PCDHGA7: variants seen among roughly 807,000 people sequenced by gnomAD.
PCDHGA7 encodes the protein protocadherin gamma subfamily A, 7.
Under a neutral mutation model 58.3 loss-of-function variants are expected in PCDHGA7, and 44 were observed. The ratio of observed to expected loss-of-function variants is 0.75; its 90% CI spans 0.59 to 0.97. PCDHGA7 has a LOEUF of 0.97. Ranked by LOEUF, PCDHGA7 falls within the 50% of genes least tolerant of loss-of-function variation. The pLI is 0.00. For missense variants in PCDHGA7, 1,266 were observed against 1,188.7 expected (o/e 1.06, Z -0.96); for synonymous variants, 516 against 504.2 (o/e 1.02, Z -0.31).
chr5:141,498,848 G>A (rs930895553), intron 2 of PCDHGA7, among the ~76,000 whole-genome samples: 3 of 151,908 alleles, frequency 2.0e-5, no homozygotes, highest in Non-Finnish European at 4.4e-5. Context: ...CAGGGGAATC[G>A]CTTGAACCCA....
intron 1 of PCDHGA7, among the ~76,000 whole-genome samples, chr5:141,473,069 A>G (rs552033483): frequency 3.9e-4 from 59 of 152,180 alleles, no homozygotes; most frequent in South Asian, 8.3e-4. Flanking sequence ...AAGTTACAGC[A>G]TCTTTGTTTA....
At chr5:141,395,358 G>C in intron 1 of PCDHGA7, 1 of 1,346,158 alleles carries the variant, frequency 7.4e-7, no homozygotes, top group Non-Finnish European at 9.9e-7. Flanking sequence ...ACAGAGTTTT[G>C]GGTTTATTTT....
In PCDHGA7 at chr5:141,486,049, C is replaced by T. The variant is rs766853468; in HGVS notation, c.2425-8758C>T. 1 of 1,614,206 alleles carries T rather than the reference C, an allele frequency of 6.2e-7. No homozygotes were observed. The highest frequency in any genetic ancestry group is 8.5e-7 in the Non-Finnish European group (1 of 1,180,034). ...ATACCCCTGATCGTGTAAGAAACCT[C>T]TTTAGCCTGCACCCCACTACTGGAA... On this transcript the variant is annotated intron_variant, in intron 1 of 3. Transcript: ENST00000518325. The surrounding 1 kb of genome is among the most constrained non-coding windows in gnomAD (Gnocchi z 5.0).
At position 141,399,354 on chromosome 5, in the gene PCDHGA7, G is replaced by A. The variant is rs559321354; in HGVS notation, c.2424+14031G>A. The A allele has an allele frequency of 3.7e-6, 6 of 1,614,008 alleles. No homozygotes were observed. The Admixed American group carries it at 1.0e-4, about 27-fold the overall frequency. On this transcript the variant is annotated intron_variant, in intron 1 of 3. Coordinates refer to ENST00000518325, the MANE Select transcript of PCDHGA7 (RefSeq NM_018920.4). ...TAACAGATGGAACCCTAGACCGAGA[G>A]CAAACCCCGGAGTACAATGTCACCA...
intron 1 of PCDHGA7, among the ~76,000 whole-genome samples, chr5:141,450,782 C>T (rs1012152203): frequency 2.0e-5 from 3 of 151,350 alleles, no homozygotes; most frequent in East Asian, 1.9e-4. Flanking sequence ...CCACCGTGCC[C>T]GGACCTCATG....
At chr5:141,392,770 T>G in intron 1 of PCDHGA7, 1 of 1,511,750 alleles carries the variant, frequency 6.6e-7, no homozygotes, top group South Asian at 1.3e-5. Flanking sequence ...AAGACCCATT[T>G]ATGCACAGTG....
chr5:141,483,637 G>C (rs1365525499), intron 1 of PCDHGA7, among the ~76,000 whole-genome samples: 2 of 145,762 alleles, frequency 1.4e-5, no homozygotes. Context: ...AAGGTATAGA[G>C]GGGTGTGTGT....
rs2099695710 is a variant in PCDHGA7, at chr5:141,490,068, A to G, written c.2425-4739A>G. On this transcript the variant is annotated intron_variant, in intron 1 of 3. Coordinates refer to ENST00000518325, the MANE Select transcript of PCDHGA7 (RefSeq NM_018920.4). This position sits in a 1 kb window ranked among gnomAD's most constrained non-coding sequence, Gnocchi z 5.4. ...ATCCAGACGAGGGCACCAACGGCCA[A>G]CTAGACTATTCTTTTGGAGACCACA... is the stretch of plus-strand genomic sequence containing the variant. 2 of 1,614,152 alleles carry G rather than the reference A, an allele frequency of 1.2e-6. No homozygotes were observed. The highest frequency in any genetic ancestry group is 1.6e-4 in the Middle Eastern group (1 of 6,084).
chr5:141,424,434 T>C (rs2096821185), intron 1 of PCDHGA7: 1 of 151,048 alleles, frequency 6.6e-6, no homozygotes, highest in Admixed American at 6.6e-5. Flanking sequence ...GAGGAAATAA[T>C]TGAATTATTG....
At chr5:141,408,896 G>A (rs1441378199) in intron 1 of PCDHGA7, 5 of 1,613,328 alleles carry the variant, frequency 3.1e-6, no homozygotes, top group East Asian at 2.2e-5. Flanking sequence ...AGAAATTTCT[G>A]TCAAGGATAC....
intron 1 of PCDHGA7, chr5:141,426,432 C>A (rs1239073805): frequency 1.0e-5 from 3 of 295,812 alleles, no homozygotes; most frequent in South Asian, 3.3e-5. Flanking sequence ...TGGTGGGGAA[C>A]CTTGCGGAGG....
chr5:141,478,901 A>T (rs2099483520), intron 1 of PCDHGA7: 2 of 1,002,034 alleles, frequency 2.0e-6, no homozygotes, highest in African/African-American at 3.3e-5. Flanking sequence ...ATTAGGAATA[A>T]GCTGCTGGAT....
At chr5:141,471,422 A>T (rs919676109) in intron 1 of PCDHGA7, 5 of 152,176 alleles carry the variant, frequency 3.3e-5, no homozygotes, top group Non-Finnish European at 5.9e-5. Context: ...GTTTTTAGCA[A>T]GGAAAGTGTA....
intron 1 of PCDHGA7, chr5:141,415,450 C>T (rs774745130): frequency 1.9e-6 from 3 of 1,614,202 alleles, no homozygotes; most frequent in Non-Finnish European, 2.5e-6. Flanking sequence ...GACCTATTCC[C>T]ACGAGGTCTC....
Position 141,408,446 on chromosome 5 carries a change from G to A in PCDHGA7, c.2424+23123G>A, listed in dbSNP as rs371079756. 1.7e-5 allele frequency: 28 copies of A among 1,613,946 alleles called. No individual in the cohort carries two copies. Among genetic ancestry groups the A allele is most frequent in the Non-Finnish European group, 1.1e-5 (13 of 1,179,916 alleles). On this transcript the variant is annotated intron_variant, in intron 1 of 3. Transcript: ENST00000518325. ...GCACTTCAGCGTAGACGCGGAGAGC[G>A]GGGACTTACTTGTGAAGAACCGAAT...
At position 141,487,385 on chromosome 5, in the gene PCDHGA7, CGAA is replaced by C; in HGVS notation, c.2425-7420_2425-7418del. 6.2e-7 allele frequency: 1 copy of C among 1,614,160 alleles called. No individual in the cohort carries two copies. The highest frequency in any genetic ancestry group is 8.5e-7 in the Non-Finnish European group (1 of 1,180,046). On this transcript the variant is annotated intron_variant, in intron 1 of 3. Coordinates refer to ENST00000518325, the MANE Select transcript of PCDHGA7 (RefSeq NM_018920.4). The surrounding 1 kb of genome is among the most constrained non-coding windows in gnomAD (Gnocchi z 5.0). ...CACCTGTGCCTGTCTCACCAGATCTCGAAGGAGGGAGGGGCTTCCCCCTTCCAA... is the reference window on the plus strand; with the variant it reads ...CACCTGTGCCTGTCTCACCAGATCTCGGAGGGAGGGGCTTCCCCCTTCCAA...
At chr5:141,415,562 CT>C in intron 1 of PCDHGA7, 3 of 1,613,960 alleles carry the variant, frequency 1.9e-6, no homozygotes, top group Non-Finnish European at 1.7e-6. Context: ...GATCCTTTGT[CT>C]TTGTTAGATG....
At chr5:141,438,591 C>CATATATATAT (rs946798767) in intron 1 of PCDHGA7, among the ~76,000 whole-genome samples, 17 of 75,552 alleles carry the variant, frequency 2.3e-4, no homozygotes, top group Non-Finnish European at 3.8e-4. Context: ...TACATACATA[C>CATATATATAT]ATATATATAT....
chr5:141,433,357 G>GCCTA, intron 1 of PCDHGA7: 1 of 569,056 alleles, frequency 1.8e-6, no homozygotes, highest in Non-Finnish European at 3.1e-6. Context: ...CCTACTGTCT[G>GCCTA]CCTATCTATC....
Sources: gnomAD v4.1 joint callset for allele counts (sites outside exome capture counted in the v4.1 genomes callset) on GRCh38, gnomAD v4.1.1 for gene constraint, Gnocchi (gnomAD v3.1) non-coding constraint, MANE v1.5 for transcripts, NCBI Gene and HGNC (gene_info 2026-07-23, HGNC 2026-07-21) for gene names.